ITSN1: variants seen among roughly 807,000 people sequenced by gnomAD.
ITSN1 encodes the protein intersectin 1.
Under a neutral mutation model 239.8 loss-of-function variants are expected in ITSN1, and 58 were observed. The observed-to-expected ratio is 0.24, with a 90% CI of 0.20 to 0.30. The LOEUF is 0.30. ITSN1 is among the 10% of genes least tolerant of loss of function. The pLI is 1.00. For missense variants in ITSN1, 1,558 were observed against 2,103.3 expected (o/e 0.74, Z 5.07); for synonymous variants, 780 against 770.8 (o/e 1.01, Z -0.20).
At chr21:33,654,070 T>A (rs562119326) in intron 1 of ITSN1, among the ~76,000 whole-genome samples, 89 of 151,788 alleles carry the variant, frequency 5.9e-4, no homozygotes, top group African/African-American at 2.1e-3. Flanking sequence ...TCTTTCTCTC[T>A]TTTGTCTCAC....
intron 34 of ITSN1, among the ~76,000 whole-genome samples, chr21:33,880,367 A>C (rs1268880852): frequency 1.6e-4 from 25 of 152,092 alleles, no homozygotes; most frequent in Non-Finnish European, 4.4e-5. Flanking sequence ...TCTCTGGATT[A>C]TTTGCGCCCA....
intron 1 of ITSN1, among the ~76,000 whole-genome samples, chr21:33,706,517 G>A (rs1182317331): frequency 1.3e-5 from 2 of 150,488 alleles, no homozygotes; most frequent in African/African-American, 2.4e-5. Flanking sequence ...ACCTTAAAAT[G>A]AGTAATTAGT....
At chr21:33,838,294 T>C in intron 29 of ITSN1, 1 of 985,412 alleles carries the variant, frequency 1.0e-6, no homozygotes, top group South Asian at 4.7e-5. Flanking sequence ...GTCGGGAGGC[T>C]GTGCTGGTGG....
At chr21:33,855,044 A>G (rs1270158376) in intron 29 of ITSN1, among the ~76,000 whole-genome samples, 1 of 152,184 alleles carries the variant, frequency 6.6e-6, no homozygotes, top group Non-Finnish European at 1.5e-5. Flanking sequence ...TAAAGCAGCA[A>G]AGCATTTGCC....
At chr21:33,876,358 CTTCTT>C (rs1398290954) in intron 34 of ITSN1, among the ~76,000 whole-genome samples, 3 of 148,654 alleles carry the variant, frequency 2.0e-5, no homozygotes, top group African/African-American at 7.4e-5. Flanking sequence ...CTTCTCTTCT[CTTCTT>C]TTTTCTTTTC....
chr21:33,716,931 G>A (rs2065178571), intron 1 of ITSN1, among the ~76,000 whole-genome samples: 2 of 146,660 alleles, frequency 1.4e-5, no homozygotes, highest in African/African-American at 2.5e-5. Flanking sequence ...GCAAGACTCC[G>A]TCTCAAAAAA....
chr21:33,777,553 T>C (rs1052095684), intron 14 of ITSN1, among the ~76,000 whole-genome samples: 2 of 152,222 alleles, frequency 1.3e-5, no homozygotes, highest in Non-Finnish European at 2.9e-5. Flanking sequence ...ATCTCAGCAA[T>C]AGTAAATCTA....
intron 1 of ITSN1, among the ~76,000 whole-genome samples, chr21:33,709,716 CT>C (rs1431520581): frequency 6.6e-5 from 10 of 152,194 alleles, no homozygotes; most frequent in Non-Finnish European, 1.3e-4. Context: ...ATACATTAAC[CT>C]TTTATCCTGC....
intron 4 of ITSN1, among the ~76,000 whole-genome samples, chr21:33,729,923 G>A (rs1371222498): frequency 1.3e-5 from 2 of 152,184 alleles, no homozygotes; most frequent in East Asian, 1.9e-4. Flanking sequence ...GAAGTCCTGC[G>A]TTTTTATTTT....
chr21:33,744,141 C>T (rs535526318), intron 5 of ITSN1, among the ~76,000 whole-genome samples: 2 of 151,990 alleles, frequency 1.3e-5, no homozygotes, highest in East Asian at 1.9e-4. Flanking sequence ...CAATTGGATA[C>T]GATAAAACTT....
chr21:33,780,112 C>A (rs1053565037), intron 14 of ITSN1, among the ~76,000 whole-genome samples: 2 of 152,136 alleles, frequency 1.3e-5, no homozygotes, highest in African/African-American at 4.8e-5. Context: ...TATGTGTTAA[C>A]TCTCTTTATG....
At chr21:33,718,172 G>C (rs1457813410) in intron 1 of ITSN1, among the ~76,000 whole-genome samples, 2 of 152,218 alleles carry the variant, frequency 1.3e-5, no homozygotes, top group African/African-American at 4.8e-5. Context: ...GGGCTGTGAT[G>C]ATGAGTAGAA....
Position 33,836,578 on chromosome 21 carries a change from C to T in ITSN1, c.3607C>T (p.Leu1203Phe). 6.2e-7 allele frequency: 1 copy of T among 1,614,162 alleles called. No individual in the cohort carries two copies. Among genetic ancestry groups the T allele is most frequent in the South Asian group, 1.1e-5 (1 of 91,076 alleles). Reference sequence around the variant, plus strand: ...AGGAGAAGTCAATGGACAAGTGGGGCTCTTCCCATCCAATTATGTGAAGCT... The same window carrying T: ...AGGAGAAGTCAATGGACAAGTGGGGTTCTTCCCATCCAATTATGTGAAGCT... ...WKGEVNGQVG[L>F]FPSNYVKLTT... The change falls in exon 29 of 40, where the codon CTC becomes TTC. Residue 1203 changes from leucine (L) to phenylalanine (F), a missense_variant. Around this residue, in one of 2 missense-constraint regions of ITSN1, gnomAD observed 576 missense variants for 893.3 expected, o/e 0.64. Transcript: ENST00000381318.
intron 5 of ITSN1, among the ~76,000 whole-genome samples, chr21:33,740,783 G>C (rs2066798544): frequency 6.6e-6 from 1 of 152,148 alleles, no homozygotes; most frequent in South Asian, 2.1e-4. Flanking sequence ...AAGCACAGTA[G>C]GCCAGGCACG....
chr21:33,773,872 G>C (rs1428208723), intron 12 of ITSN1, among the ~76,000 whole-genome samples: 1 of 151,776 alleles, frequency 6.6e-6, no homozygotes, highest in Non-Finnish European at 1.5e-5. Flanking sequence ...TAGAGACAGG[G>C]TTTCGCCATG....
chr21:33,728,890 C>T (rs77726916), intron 4 of ITSN1, among the ~76,000 whole-genome samples: 13 of 152,168 alleles, frequency 8.5e-5, no homozygotes, highest in African/African-American at 3.1e-4. Context: ...CCACTCCCCC[C>T]TGCCCCATAA....
chr21:33,666,481 G>A (rs1025434318), intron 1 of ITSN1, among the ~76,000 whole-genome samples: 1 of 152,122 alleles, frequency 6.6e-6, no homozygotes, highest in African/African-American at 2.4e-5. Flanking sequence ...TAAATATTTC[G>A]ACATGACGTT....
At position 33,679,211 on chromosome 21, in the gene ITSN1, A is replaced by T. The variant is rs542300490; in HGVS notation, c.-33+36498A>T. On this transcript the variant is annotated intron_variant, in intron 1 of 39. Coordinates refer to ENST00000381318, the MANE Select transcript of ITSN1 (RefSeq NM_003024.3). ...TAAATATTTATGTTTCAGGTGTGTT[A>T]TTCCCTTTGTGTGTGTGTGTATCTA... Among the ~76,000 whole-genome samples the T allele has an allele frequency of 8.5e-5, 13 of 152,268 alleles. No homozygotes were observed. In the South Asian group the frequency reaches 2.7e-3, roughly 32 times the overall value.
chr21:33,675,187 G>T (rs970334952), intron 1 of ITSN1, among the ~76,000 whole-genome samples: 2 of 152,044 alleles, frequency 1.3e-5, no homozygotes, highest in Non-Finnish European at 2.9e-5. Flanking sequence ...GAAAAACTTT[G>T]TTGTAGCTGA....
Sources: allele counts gnomAD v4.1 joint callset (sites outside exome capture counted in the v4.1 genomes callset), GRCh38; gene constraint gnomAD v4.1.1; regional missense constraint gnomAD v4.1.1; transcripts MANE v1.5; gene names NCBI Gene and HGNC (gene_info 2026-07-23, HGNC 2026-07-21).